Variants in SDK2 observed in about 807,000 individuals in gnomAD.
SDK2 encodes the protein protein sidekick-2.
Under a neutral mutation model 253.9 loss-of-function variants are expected in SDK2, and 105 were observed. That is an observed-to-expected ratio of 0.41 (90% confidence interval 0.35 to 0.49). The LOEUF (loss-of-function observed/expected upper bound fraction) is 0.49, where lower values mean the gene tolerates loss of function less well. Among genes scored for constraint, SDK2 ranks in the 20% least tolerant of loss-of-function variants. SDK2 has a pLI of 0.06. For missense variants in SDK2, 2,608 were observed against 3,003.0 expected, an observed-to-expected ratio of 0.87 and a Z score of 3.07; for synonymous variants, 1,249 against 1,234.9, an observed-to-expected ratio of 1.01 and a Z score of -0.24.
chr17:73,556,038 G>C (rs1360895688), intron 1 of SDK2, among the ~76,000 whole-genome samples: 2 of 152,150 alleles, frequency 1.3e-5, no homozygotes, highest in Non-Finnish European at 2.9e-5. Context: ...TGGGAGACAT[G>C]GGGGCACTGT....
intron 1 of SDK2, among the ~76,000 whole-genome samples, chr17:73,545,754 C>T (rs1226070081): frequency 2.6e-5 from 4 of 152,180 alleles, no homozygotes; most frequent in Non-Finnish European, 2.9e-5. Context: ...TGACCCAGCG[C>T]TGCAAGGCTG....
intron 1 of SDK2, among the ~76,000 whole-genome samples, chr17:73,548,852 G>A (rs2045009772): frequency 6.6e-6 from 1 of 152,224 alleles, no homozygotes; most frequent in Non-Finnish European, 1.5e-5. Flanking sequence ...CAGCTGGAAG[G>A]TGGCTTCCCT....
At chr17:73,377,655 T>C in intron 36 of SDK2, among the ~76,000 whole-genome samples, 1 of 148,058 alleles carries the variant, frequency 6.8e-6, no homozygotes. Flanking sequence ...TTGAGACCTC[T>C]TGGCTGGAGT....
At chr17:73,350,411 T>A (rs1478990168) in intron 42 of SDK2, 36 bp from the exon 43 acceptor site, 4 of 1,596,410 alleles carry the variant, frequency 2.5e-6, no homozygotes, top group Non-Finnish European at 3.4e-6. Flanking sequence ...CTTTAGACTG[T>A]GTGGCCTCCC....
chr17:73,621,756 C>T (rs921380704), intron 1 of SDK2, among the ~76,000 whole-genome samples: 1 of 151,844 alleles, frequency 6.6e-6, no homozygotes, highest in South Asian at 2.1e-4. Context: ...AGAAATTACT[C>T]AATCTGAAGA....
intron 1 of SDK2, among the ~76,000 whole-genome samples, chr17:73,545,286 C>T (rs548891929): frequency 2.6e-5 from 4 of 152,226 alleles, no homozygotes; most frequent in South Asian, 2.1e-4. Flanking sequence ...CCCCAGCTGC[C>T]GAGCCTGCCG....
intron 1 of SDK2, among the ~76,000 whole-genome samples, chr17:73,603,046 T>G (rs1771179756): frequency 6.6e-6 from 1 of 152,140 alleles, no homozygotes; most frequent in Non-Finnish European, 1.5e-5. Context: ...TATTGACAGC[T>G]TGGGTGGGAT....
Position 73,401,217 on chromosome 17 carries a change from G to A in SDK2, c.2780-6C>T. 1.3e-6 allele frequency: 2 copies of A among 1,541,972 alleles called. No individual in the cohort carries two copies. Among genetic ancestry groups the A allele is most frequent in the South Asian group, 2.4e-5 (2 of 83,072 alleles). The stretch of plus-strand genomic sequence containing the variant: ...CTCCCAGGAGATCCGGTACCCTGGG[G>A]AGAGCCGCCGTGTTGGCATGAGCTT... On this transcript the variant is annotated splice_region_variant and splice_polypyrimidine_tract_variant and intron_variant, in intron 20 of 44. Coordinates refer to ENST00000392650, the MANE Select transcript of SDK2 (RefSeq NM_001144952.2).
At chr17:73,558,498 A>G (rs980695894) in intron 1 of SDK2, among the ~76,000 whole-genome samples, 1 of 151,904 alleles carries the variant, frequency 6.6e-6, no homozygotes, top group Non-Finnish European at 1.5e-5. Context: ...GAACAGAATA[A>G]TATTCAAGCA....
chr17:73,644,165 C>T lies in SDK2; in HGVS notation c.-77G>A. Reference sequence around the variant, plus strand: ...TTTATAATCCTGGTGGGGTCCGATACCCCGTGGCTTAGTCCCAGGAAACAG... The same window carrying T: ...TTTATAATCCTGGTGGGGTCCGATATCCCGTGGCTTAGTCCCAGGAAACAG... On this transcript the variant is annotated 5_prime_UTR_variant, in exon 1 of 45. Transcript: ENST00000392650. This position sits in a 1 kb window ranked among gnomAD's most constrained non-coding sequence, Gnocchi z 6.3. 2 of 1,250,312 alleles carry T rather than the reference C, an allele frequency of 1.6e-6. No homozygotes were observed. Among genetic ancestry groups the T allele is most frequent in the East Asian group, 5.1e-5 (2 of 39,098 alleles). 77.5% of individuals were successfully genotyped at this position (1,250,312 alleles called of 1,614,324 possible). A position where few individuals can be genotyped will look rare whatever the true frequency, so the allele number is the denominator to read the frequency against.
chr17:73,586,702 C>T (rs547130480), intron 1 of SDK2, among the ~76,000 whole-genome samples: 2 of 152,190 alleles, frequency 1.3e-5, no homozygotes, highest in Admixed American at 6.5e-5. Flanking sequence ...CCTCCCATGA[C>T]GTCTGCAGGC....
chr17:73,560,347 T>A (rs2045213979), intron 1 of SDK2, among the ~76,000 whole-genome samples: 1 of 152,020 alleles, frequency 6.6e-6, no homozygotes, highest in Non-Finnish European at 1.5e-5. Flanking sequence ...ATTGTTTTTG[T>A]TTGTTTGTTT....
intron 18 of SDK2, among the ~76,000 whole-genome samples, chr17:73,411,649 C>T (rs928182462): frequency 9.2e-5 from 14 of 152,104 alleles, no homozygotes; most frequent in Admixed American, 5.2e-4. Context: ...AGGACAGGCA[C>T]GGGGCCCACA....
At chr17:73,358,679 G>T (rs2062614181) in intron 39 of SDK2, among the ~76,000 whole-genome samples, 1 of 152,018 alleles carries the variant, frequency 6.6e-6, no homozygotes, top group Admixed American at 6.6e-5. Context: ...GTCGGAGCGG[G>T]GCTGAAGAGT....
chr17:73,490,060 C>G (rs2063795299), intron 2 of SDK2, among the ~76,000 whole-genome samples: 1 of 152,144 alleles, frequency 6.6e-6, no homozygotes, highest in South Asian at 2.1e-4. Flanking sequence ...ACACCACCAC[C>G]CCGGGCCTTC....
Position 73,368,482 on chromosome 17 carries a change from C to T in SDK2, c.5092G>A (p.Val1698Ile). The change falls in exon 37 of 45, where the codon GTC becomes ATC. Residue 1698 changes from valine to isoleucine, a missense_variant. Val to Ile is a conservative substitution (Grantham distance 29, BLOSUM62 3). Coordinates refer to ENST00000392650, the MANE Select transcript of SDK2 (RefSeq NM_001144952.2). ...GCGGCGTTGAAGGCGGCCACGCTGA[C>T]CATGTAGGCCGTGTAGCCAGTCAAG... ...KNLTGYTAYM[V>I]SVAAFNAAGD... The T allele has an allele frequency of 6.2e-7, 1 of 1,610,416 alleles. No homozygotes were observed. The highest frequency in any genetic ancestry group is 8.5e-7 in the Non-Finnish European group (1 of 1,178,602).
intron 1 of SDK2, among the ~76,000 whole-genome samples, chr17:73,524,113 G>C (rs2064106203): frequency 6.6e-6 from 1 of 152,126 alleles, no homozygotes; most frequent in Non-Finnish European, 1.5e-5. Flanking sequence ...CTCCATGCTT[G>C]GGCCTCCATT....
intron 9 of SDK2, among the ~76,000 whole-genome samples, chr17:73,434,933 A>G (rs957827114): frequency 8.7e-5 from 13 of 149,724 alleles, no homozygotes; most frequent in African/African-American, 3.2e-4. Context: ...CCCGGCCCAC[A>G]GTTATCACCT....
intron 24 of SDK2, among the ~76,000 whole-genome samples, chr17:73,397,694 C>T (rs1386874029): frequency 5.3e-5 from 8 of 152,208 alleles, no homozygotes; most frequent in African/African-American, 1.9e-4. Context: ...AGCTGTGTGG[C>T]TGTGGGCAAG....
Sources: gnomAD v4.1 joint callset for allele counts (sites outside exome capture counted in the v4.1 genomes callset) on GRCh38, gnomAD v4.1.1 for gene constraint, Gnocchi (gnomAD v3.1) non-coding constraint, MANE v1.5 for transcripts, NCBI Gene and HGNC (gene_info 2026-07-23, HGNC 2026-07-21) for gene names.